The following RSPO2 variants were observed in gnomAD, a reference collection of about 807,000 sequenced individuals.
The protein encoded by RSPO2 is R-spondin-2.
A neutral mutation model predicts 30.9 loss-of-function variants in RSPO2; 14 were observed. The observed-to-expected ratio is 0.45, with a 90% CI of 0.30 to 0.71. RSPO2 has a LOEUF of 0.71. Among genes scored for constraint, RSPO2 ranks in the 30% least tolerant of loss-of-function variants. The pLI is 0.08. For synonymous variants in RSPO2, 107 were observed against 96.4 expected (o/e 1.11, Z -0.64); for missense variants, 264 against 301.9 (o/e 0.87, Z 0.93).
chr8:108,057,759 C>G (rs529005222), intron 2 of RSPO2, among the ~76,000 whole-genome samples: 1 of 152,304 alleles, frequency 6.6e-6, no homozygotes, highest in Admixed American at 6.5e-5. Context: ...TATTCCCTGA[C>G]TTGCAATATA....
At chr8:108,010,721 A>T (rs1810676997) in intron 2 of RSPO2, among the ~76,000 whole-genome samples, 1 of 152,118 alleles carries the variant, frequency 6.6e-6, no homozygotes, top group African/African-American at 2.4e-5. Context: ...CATCAGGATG[A>T]TATGAGGTCT....
At chr8:107,999,285 T>C (rs1207923681) in intron 2 of RSPO2, among the ~76,000 whole-genome samples, 1 of 152,130 alleles carries the variant, frequency 6.6e-6, no homozygotes, top group African/African-American at 2.4e-5. Flanking sequence ...AAAATGGTAT[T>C]TCTAAACATT....
intron 5 of RSPO2, among the ~76,000 whole-genome samples, chr8:107,928,420 T>C (rs909156607): frequency 6.6e-6 from 1 of 152,238 alleles, no homozygotes; most frequent in African/African-American, 2.4e-5. Flanking sequence ...AATTTAATCT[T>C]GCCAAAGTAT....
At chr8:107,983,267 A>G in intron 3 of RSPO2, 2 of 1,594,304 alleles carry the variant, frequency 1.3e-6, no homozygotes, top group Non-Finnish European at 1.7e-6. Context: ...ACACAGTCTG[A>G]GCAGGCTCAT....
chr8:107,989,407 A>T, intron 2 of RSPO2, 163 bp from the exon 3 acceptor site: 1 of 539,578 alleles, frequency 1.9e-6, no homozygotes, highest in Non-Finnish European at 3.1e-6. Flanking sequence ...CTCCACCCAA[A>T]AAGTTGTTAA....
chr8:107,919,968 T>C (rs753685294), intron 5 of RSPO2, among the ~76,000 whole-genome samples: 3 of 152,154 alleles, frequency 2.0e-5, no homozygotes, highest in Non-Finnish European at 4.4e-5. Flanking sequence ...CAGCAAAGCT[T>C]CAAGCGTCCA....
intron 2 of RSPO2, among the ~76,000 whole-genome samples, chr8:108,007,312 T>C (rs1214211408): frequency 3.3e-5 from 5 of 152,198 alleles, no homozygotes; most frequent in Non-Finnish European, 7.4e-5. Context: ...CCATCACTAA[T>C]GTAATAACTT....
At chr8:108,050,057 T>C (rs1207626800) in intron 2 of RSPO2, among the ~76,000 whole-genome samples, 1 of 152,214 alleles carries the variant, frequency 6.6e-6, no homozygotes, top group African/African-American at 2.4e-5. Flanking sequence ...CTCTCTATTA[T>C]GTATATAATT....
chr8:108,025,507 G>T lies in RSPO2; in HGVS notation c.95-36263C>A, dbSNP rs116924328. ...TATACTGCTATAAATAAGTAAACAA[G>T]GACAAGGAAAAGGTCTTCCTGATTT... On this transcript the variant is annotated intron_variant, in intron 2 of 5. Coordinates refer to ENST00000276659, the MANE Select transcript of RSPO2 (RefSeq NM_178565.5). Among the ~76,000 whole-genome samples, 185 of 152,182 alleles carry T rather than the reference G, an allele frequency of 1.2e-3. 2 individuals carry two copies. In the East Asian group the frequency reaches 0.031, roughly 25 times the overall value.
intron 3 of RSPO2, chr8:107,983,060 C>A: frequency 8.0e-7 from 1 of 1,243,332 alleles, no homozygotes; most frequent in Non-Finnish European, 1.1e-6. Flanking sequence ...GCAGTCCCCT[C>A]CATGTTCCCT....
intron 2 of RSPO2, among the ~76,000 whole-genome samples, chr8:108,063,919 G>C (rs113845596): frequency 0.021 from 3,128 of 152,266 alleles, 122 homozygotes; most frequent in African/African-American, 0.071. Context: ...AGAAAAACAA[G>C]CAATGGGGAA....
intron 2 of RSPO2, among the ~76,000 whole-genome samples, chr8:107,998,828 C>A (rs1815119392): frequency 6.6e-6 from 1 of 152,086 alleles, no homozygotes; most frequent in Non-Finnish European, 1.5e-5. Context: ...AGGCCGATCA[C>A]CTAGAGGTCA....
chr8:108,031,336 G>T (rs537027192), intron 2 of RSPO2, among the ~76,000 whole-genome samples: 1 of 152,264 alleles, frequency 6.6e-6, no homozygotes, highest in African/African-American at 2.4e-5. Flanking sequence ...TAAACACATG[G>T]AGTCCATTAT....
At chr8:108,056,637 A>G (rs76476896) in intron 2 of RSPO2, among the ~76,000 whole-genome samples, 1 of 150,702 alleles carries the variant, frequency 6.6e-6, no homozygotes, top group Admixed American at 6.6e-5. Context: ...AAAAAAAAAA[A>G]AAAAAAGAAA....
At chr8:107,926,219 GT>G (rs752754636) in intron 5 of RSPO2, among the ~76,000 whole-genome samples, 5 of 152,124 alleles carry the variant, frequency 3.3e-5, no homozygotes, top group Non-Finnish European at 7.4e-5. Context: ...AGAAGTGTCT[GT>G]TCATATCATT....
chr8:107,969,104 T>C (rs1040069044), intron 3 of RSPO2, among the ~76,000 whole-genome samples: 4 of 152,074 alleles, frequency 2.6e-5, no homozygotes, highest in African/African-American at 9.7e-5. Context: ...ATGGTAGAAA[T>C]CACATTCTCT....
chr8:108,062,124 A>T (rs1337777964), intron 2 of RSPO2, among the ~76,000 whole-genome samples: 1 of 151,902 alleles, frequency 6.6e-6, no homozygotes, highest in Non-Finnish European at 1.5e-5. Flanking sequence ...CAATTAAAAG[A>T]ACTAGAGAAG....
chr8:108,036,567 C>T (rs1396059731), intron 2 of RSPO2, among the ~76,000 whole-genome samples: 1 of 152,180 alleles, frequency 6.6e-6, no homozygotes, highest in African/African-American at 2.4e-5. Flanking sequence ...ATACCTTTAC[C>T]CATTTGTCCC....
intron 4 of RSPO2, among the ~76,000 whole-genome samples, chr8:107,958,790 G>A (rs1367880854): frequency 6.6e-6 from 1 of 152,098 alleles, no homozygotes; most frequent in Non-Finnish European, 1.5e-5. Context: ...AAGTGAGAAC[G>A]TGCGGTGTTT....
Sources: gnomAD v4.1 joint callset for allele counts (sites outside exome capture counted in the v4.1 genomes callset) on GRCh38, gnomAD v4.1.1 for gene constraint, MANE v1.5 for transcripts, NCBI Gene and HGNC (gene_info 2026-07-23, HGNC 2026-07-21) for gene names.